Variants in RTN4 observed in about 807,000 individuals in gnomAD.
RTN4 encodes the protein reticulon-4.
RTN4 carries 32 observed loss-of-function variants against 90.4 expected under a neutral mutation model. The observed-to-expected ratio is 0.35, with a 90% confidence interval of 0.27 to 0.48. The LOEUF (loss-of-function observed/expected upper bound fraction) is 0.48, where lower values mean the gene tolerates loss of function less well. Ranked by LOEUF, RTN4 falls within the 20% of genes least tolerant of loss-of-function variation. The pLI, the probability that RTN4 is intolerant of heterozygous loss-of-function variation, is 0.99. For synonymous variants in RTN4, 629 were observed against 552.5 expected, an observed-to-expected ratio of 1.14 and a Z score of -1.94; for missense variants, 1,706 against 1,430.2, an observed-to-expected ratio of 1.19 and a Z score of -3.11.
intron 2 of RTN4, among the ~76,000 whole-genome samples, chr2:55,074,886 G>T (rs968824849): frequency 6.6e-6 from 1 of 152,186 alleles, no homozygotes; most frequent in African/African-American, 2.4e-5. Context: ...ATCCCTTCAT[G>T]ATTAAAACCC....
intron 3 of RTN4, among the ~76,000 whole-genome samples, chr2:54,990,820 C>T (rs769904456): frequency 6.6e-6 from 1 of 151,924 alleles, no homozygotes; most frequent in Non-Finnish European, 1.5e-5. Flanking sequence ...GAGTCTCGCA[C>T]TGTCGCCCGG....
chr2:55,049,512 G>C lies in RTN4; in HGVS notation c.556+233C>G, dbSNP rs188341482. 21 of 625,148 alleles carry C rather than the reference G, an allele frequency of 3.4e-5. 1 individual carries two copies. In the Middle Eastern group the frequency reaches 1.0e-3, roughly 31 times the overall value. 38.7% of individuals were successfully genotyped at this position (625,148 alleles called of 1,614,324 possible). The stretch of plus-strand genomic sequence containing the variant: ...CACAGGGTGAAAGTGGGAGCCGGGA[G>C]CGGTGCACGTGTTCCCCGAAACCAA... On this transcript the variant is annotated intron_variant, in intron 1 of 8. Transcript: ENST00000337526.
upstream of RTN4, among the ~76,000 whole-genome samples, chr2:55,053,388 T>C (rs1162079845): frequency 6.6e-6 from 1 of 152,168 alleles, no homozygotes; most frequent in African/African-American, 2.4e-5. Flanking sequence ...ATAATTTATA[T>C]TTGAAAATAG....
At position 55,074,015 on chromosome 2, in the gene RTN4, C is replaced by T. The variant is rs898305674; in HGVS notation, c.-63+6474G>A. ...GTCACAGCATATTTCCAAAACAGCT[C>T]ACTTGCCCAACCTCAGCAATGAAAT... On this transcript the variant is annotated intron_variant, in intron 2 of 3. Coordinates refer to the RTN4 transcript ENST00000427710. Among the ~76,000 whole-genome samples, 11 of 152,296 alleles carry T rather than the reference C, an allele frequency of 7.2e-5. 1 individual carries two copies. In the East Asian group the frequency reaches 2.1e-3, roughly 29 times the overall value.
intron 1 of RTN4, among the ~76,000 whole-genome samples, chr2:55,100,475 C>T (rs567596215): frequency 2.0e-5 from 3 of 152,220 alleles, no homozygotes; most frequent in East Asian, 1.9e-4. Context: ...ATAATTCTTT[C>T]GTCAGGTTCG....
chr2:55,025,807 C>G lies in RTN4; in HGVS notation c.2292G>C (p.Val764=). 1 of 1,613,612 alleles carries G rather than the reference C, an allele frequency of 6.2e-7. No individual in the cohort carries two copies. Among genetic ancestry groups the G allele is most frequent in the South Asian group, 1.1e-5 (1 of 91,050 alleles). ...PDVPQKQDET[V]MLVKESLTET... ...CAGTGAGACTTTCTTTCACAAGCAT[C>G]ACAGTTTCATCTTGTTTTTGTGGAA... Residue 764 remains valine (V), a synonymous_variant, in exon 3 of 9, where the codon GTG becomes GTC. Transcript: ENST00000337526.
chr2:55,029,956 A>T (rs1682183208), intron 1 of RTN4, among the ~76,000 whole-genome samples: 1 of 152,186 alleles, frequency 6.6e-6, no homozygotes, highest in South Asian at 2.1e-4. Context: ...ATGAATTATT[A>T]GCTTGTATAA....
Position 54,983,280 on chromosome 2 carries a change from C to T in RTN4, c.3222-627G>A, listed in dbSNP as rs72910876. Among the ~76,000 whole-genome samples the T allele has an allele frequency of 1.8e-3, 265 of 150,282 alleles. 1 individual carries two copies. Among genetic ancestry groups the T allele is most frequent in the African/African-American group, 6.1e-3 (251 of 40,852 alleles). On this transcript the variant is annotated intron_variant, in intron 4 of 8. Coordinates refer to ENST00000337526, the MANE Select transcript of RTN4 (RefSeq NM_020532.5). ...ATCATCTAGATGTTTTAATCCATAC[C>T]GAGATGGCTAAAATTGTTAAATTTA...
At position 55,063,898 on chromosome 2, in the gene RTN4, G is replaced by A. The variant is rs991883783; in HGVS notation, c.-63+16591C>T. The stretch of plus-strand genomic sequence containing the variant: ...GTCTCAAAAAAAAAAAAGTTACTCT[G>A]ACTGTTCTGTGGTGAACAGAGGGCA... On this transcript the variant is annotated intron_variant, in intron 2 of 3. Coordinates refer to the RTN4 transcript ENST00000427710. Among the ~76,000 whole-genome samples the A allele has an allele frequency of 2.7e-5, 4 of 150,818 alleles. No individual in the cohort carries two copies. In the East Asian group the frequency reaches 5.9e-4, roughly 22 times the overall value.
chr2:54,978,012 GA>G (rs1471208550), intron 5 of RTN4, among the ~76,000 whole-genome samples: 1 of 152,176 alleles, frequency 6.6e-6, no homozygotes, highest in African/African-American at 2.4e-5. Flanking sequence ...ATCACATTTT[GA>G]AAGGCCAGGC....
At chr2:54,987,763 A>G (rs1485545749) in intron 3 of RTN4, 65 bp from the exon 4 acceptor site, 10 of 1,394,986 alleles carry the variant, frequency 7.2e-6, no homozygotes, top group Admixed American at 4.0e-5. Context: ...TGCTCCATCT[A>G]TGAAAACAAA....
At chr2:55,042,298 CAT>C in intron 1 of RTN4, among the ~76,000 whole-genome samples, 1 of 152,122 alleles carries the variant, frequency 6.6e-6, no homozygotes, top group South Asian at 2.1e-4. Context: ...TATCCTACAA[CAT>C]ATATAATGGC....
chr2:55,027,261 C>G lies in RTN4; in HGVS notation c.838G>C (p.Ala280Pro). 1 of 1,613,658 alleles carries G rather than the reference C, an allele frequency of 6.2e-7. No individual in the cohort carries two copies. The highest frequency in any genetic ancestry group is 8.5e-7 in the Non-Finnish European group (1 of 1,179,782). Residue 280 changes from alanine (A) to proline (P), a missense_variant, in exon 3 of 9, where the codon GCA (alanine) becomes CCA (proline). Ala to Pro is a conservative substitution (Grantham distance 27). Coordinates refer to ENST00000337526, the MANE Select transcript of RTN4 (RefSeq NM_020532.5). ...SEASKEVSEK[A>P]KTLLIDRDLT... ...TCTCTATCTATGAGTAGAGTTTTTG[C>G]CTTCTCTGAGACCTCTTTAGAAGCT...
chr2:55,009,888 A>G (rs1452408668), intron 3 of RTN4, among the ~76,000 whole-genome samples: 1 of 152,156 alleles, frequency 6.6e-6, no homozygotes, highest in Non-Finnish European at 1.5e-5. Flanking sequence ...ACCGAATGCC[A>G]GTGAAACAGA....
intron 1 of RTN4, among the ~76,000 whole-genome samples, chr2:55,104,491 C>T (rs1460743618): frequency 6.6e-6 from 1 of 152,052 alleles, no homozygotes; most frequent in African/African-American, 2.4e-5. Context: ...TCTGGGACTA[C>T]AGGCGCATGC....
intron 3 of RTN4, among the ~76,000 whole-genome samples, chr2:55,009,735 AAAT>A (rs1201744648): frequency 6.6e-6 from 1 of 152,212 alleles, no homozygotes; most frequent in African/African-American, 2.4e-5. Flanking sequence ...TAGTCACGGA[AAAT>A]ATGTCACTGT....
chr2:55,092,680 G>C (rs1424997281), intron 1 of RTN4, among the ~76,000 whole-genome samples: 1 of 152,188 alleles, frequency 6.6e-6, no homozygotes, highest in African/African-American at 2.4e-5. Context: ...TGTGGCACCT[G>C]GTAAAAGCCT....
intron 1 of RTN4, chr2:55,049,042 T>A (rs1667940041): frequency 4.2e-6 from 4 of 942,656 alleles, no homozygotes; most frequent in Non-Finnish European, 5.1e-6. Flanking sequence ...GCAGTCCACA[T>A]CACACCCCGG....
chr2:55,073,768 T>C (rs1428087159), intron 2 of RTN4, among the ~76,000 whole-genome samples: 2 of 152,214 alleles, frequency 1.3e-5, no homozygotes, highest in Non-Finnish European at 2.9e-5. Context: ...TTCACAGATG[T>C]TGAAACTGAA....
Sources: allele counts gnomAD v4.1 joint callset (sites outside exome capture counted in the v4.1 genomes callset), GRCh38; gene constraint gnomAD v4.1.1; transcripts MANE v1.5; gene names NCBI Gene and HGNC (gene_info 2026-07-23, HGNC 2026-07-21).